NEIL2: variants seen among roughly 807,000 people sequenced by gnomAD.
NEIL2 encodes endonuclease 8-like 2.
A neutral mutation model predicts 22.2 loss-of-function variants in NEIL2; 23 were observed. That is an observed-to-expected ratio of 1.04 (90% confidence interval 0.75 to 1.47). The LOEUF (loss-of-function observed/expected upper bound fraction) is 1.47. Ranked by LOEUF, NEIL2 falls within the 40% of genes most tolerant of loss-of-function variation. NEIL2 has a pLI of 0.00. For missense variants in NEIL2, 583 were observed against 404.7 expected, an observed-to-expected ratio of 1.44 and a Z score of -3.78; for synonymous variants, 229 against 164.8, an observed-to-expected ratio of 1.39 and a Z score of -2.99.
In NEIL2 at chr8:11,786,064, G is replaced by T; in HGVS notation, c.790G>T (p.Val264Leu). The T allele has an allele frequency of 6.2e-7, 1 of 1,614,154 alleles. No homozygotes were observed. Among genetic ancestry groups the T allele is most frequent in the Non-Finnish European group, 8.5e-7 (1 of 1,180,010 alleles). The stretch of plus-strand genomic sequence containing the variant: ...GCGTCGGGAGGTCCTGGTGGATCAC[G>T]TGGTGGAGTTCAGTACAGCCTGGCT... The part of the protein sequence containing the change: ...ASRREVLVDH[V>L]VEFSTAWLQG... The change falls in exon 5 of 5, where the codon GTG becomes TTG. Residue 264 changes from valine (V) to leucine (L), a missense_variant. Physicochemically the swap from Val to Leu is conservative, Grantham distance 32. Transcript: ENST00000284503.
intron 4 of NEIL2, 112 bp downstream of exon 4, chr8:11,783,511 TGAGG>T (rs1259607079): frequency 1.2e-6 from 1 of 856,094 alleles, no homozygotes; most frequent in African/African-American, 1.7e-5. Context: ...CTGTTGGTTT[TGAGG>T]TGCCACTTGC....
At chr8:11,770,538 A>G (rs1321656049) in intron 1 of NEIL2, among the ~76,000 whole-genome samples, 12 of 152,364 alleles carry the variant, frequency 7.9e-5, no homozygotes, top group African/African-American at 2.9e-4. Flanking sequence ...AGATTTTAAA[A>G]GTATTCTAAA....
chr8:11,786,198 A>C lies in NEIL2; in HGVS notation c.924A>C (p.Leu308Phe), dbSNP rs1436029075. 3 of 1,613,532 alleles carry C rather than the reference A, an allele frequency of 1.9e-6. No individual in the cohort carries two copies. The highest frequency in any genetic ancestry group is 2.7e-5 in the African/African-American group (2 of 74,924). The change falls in exon 5 of 5, where the codon TTA (leucine) becomes TTC (phenylalanine). Residue 308 changes from leucine (L) to phenylalanine (F), a missense_variant. Coordinates refer to ENST00000284503, the MANE Select transcript of NEIL2 (RefSeq NM_145043.4). ...MKEAFGPEDG[L>F]QRLTWWCPQC... Reference sequence around the variant, plus strand: ...AGGCGTTTGGGCCCGAAGATGGGTTACAGAGGCTCACCTGGTGGTGCCCGC... The same window carrying C: ...AGGCGTTTGGGCCCGAAGATGGGTTCCAGAGGCTCACCTGGTGGTGCCCGC...
intron 2 of NEIL2, 30 bp from the exon 3 acceptor site, chr8:11,779,568 A>G (rs755002716): frequency 4.6e-6 from 7 of 1,532,390 alleles, no homozygotes; most frequent in South Asian, 4.5e-5. Context: ...CTGGGTCTGT[A>G]AGGCTTGGAT....
At chr8:11,774,439 C>T (rs1017274726) in intron 2 of NEIL2, among the ~76,000 whole-genome samples, 2 of 152,234 alleles carry the variant, frequency 1.3e-5, no homozygotes, top group East Asian at 1.9e-4. Context: ...AGAACAGCCC[C>T]CATGATTCAA....
intron 3 of NEIL2, 66 bp downstream of exon 3, chr8:11,780,016 G>A: frequency 7.0e-7 from 1 of 1,430,750 alleles, no homozygotes; most frequent in Non-Finnish European, 9.8e-7. Context: ...GGTGGGGTTT[G>A]GGACTTCAGC....
At chr8:11,771,838 TC>T (rs762830613) in intron 2 of NEIL2, among the ~76,000 whole-genome samples, 1 of 152,142 alleles carries the variant, frequency 6.6e-6, no homozygotes, top group Non-Finnish European at 1.5e-5. Context: ...TCCTATTCTC[TC>T]CGGCCGCAGC....
intron 2 of NEIL2, among the ~76,000 whole-genome samples, chr8:11,772,036 C>T (rs796159652): frequency 1.4e-4 from 22 of 152,210 alleles, no homozygotes; most frequent in African/African-American, 4.8e-4. Flanking sequence ...AACCCCGTCT[C>T]TACTAAAAAT....
At chr8:11,772,819 T>C (rs755130391) in intron 2 of NEIL2, among the ~76,000 whole-genome samples, 2 of 152,180 alleles carry the variant, frequency 1.3e-5, no homozygotes, top group African/African-American at 2.4e-5. Context: ...AGATAAGCCA[T>C]TGACCTCTTA....
rs762377143 is a variant in NEIL2, at chr8:11,772,663, A to C, written c.138+1078A>C. Among the ~76,000 whole-genome samples, 3 of 152,226 alleles carry C rather than the reference A, an allele frequency of 2.0e-5. No individual in the cohort carries two copies. The South Asian group carries it at 6.2e-4, about 31-fold the overall frequency. On this transcript the variant is annotated intron_variant, in intron 2 of 4. Transcript: ENST00000284503. ...CAGAGGGCAGGGGCTGCTCCTCGCCAGTATTGTGCCCCCAGCACTTAGCTG... is the reference window on the plus strand; with the variant it reads ...CAGAGGGCAGGGGCTGCTCCTCGCCCGTATTGTGCCCCCAGCACTTAGCTG...
chr8:11,777,468 A>G (rs1347809537), intron 2 of NEIL2, among the ~76,000 whole-genome samples: 1 of 152,068 alleles, frequency 6.6e-6, no homozygotes, highest in Non-Finnish European at 1.5e-5. Flanking sequence ...ACGTTGTCTA[A>G]CAGTTTCCCT....
chr8:11,772,551 T>C (rs8191544), intron 2 of NEIL2, among the ~76,000 whole-genome samples: 6,302 of 152,254 alleles, frequency 0.041, 321 homozygotes, highest in East Asian at 0.21. Context: ...GGAGACTCCA[T>C]CTCTGTGCTT....
At chr8:11,785,898 T>A in intron 4 of NEIL2, 65 bp from the exon 5 acceptor site, 1 of 1,458,204 alleles carries the variant, frequency 6.9e-7, no homozygotes, top group South Asian at 1.1e-5. Context: ...TTGTTAACTT[T>A]GTGGGTGGTT....
In NEIL2 at chr8:11,786,684, G is replaced by T; in HGVS notation, c.*411G>T. 7.9e-6 allele frequency: 2 copies of T among 251,624 alleles called. No homozygotes were observed. The highest frequency in any genetic ancestry group is 5.9e-5 in the Admixed American group (1 of 16,974). 15.6% of individuals were successfully genotyped at this position (251,624 alleles called of 1,614,324 possible). On this transcript the variant is annotated 3_prime_UTR_variant, in exon 5 of 5. Transcript: ENST00000284503. ...AGAGAGAGTCTTGCTCTGTCTCCCT[G>T]GCTAGGGTGTGGTGGTGTGATCTTG...
At chr8:11,785,859 C>T (rs1163911498) in intron 4 of NEIL2, 104 bp from the exon 5 acceptor site, 3 of 1,067,542 alleles carry the variant, frequency 2.8e-6, no homozygotes, top group East Asian at 2.4e-5. Flanking sequence ...TCTAGGGTCC[C>T]CCAGGACATG....
intron 2 of NEIL2, among the ~76,000 whole-genome samples, chr8:11,773,185 C>A (rs755296761): frequency 1.3e-5 from 2 of 152,166 alleles, no homozygotes; most frequent in African/African-American, 4.8e-5. Context: ...CCAGCACTTA[C>A]CAGGGTGTCT....
Position 11,779,679 on chromosome 8 carries a change from C to A in NEIL2, c.220C>A (p.Pro74Thr). The A allele has an allele frequency of 6.2e-7, 1 of 1,613,914 alleles. No individual in the cohort carries two copies. Among genetic ancestry groups the A allele is most frequent in the Non-Finnish European group, 8.5e-7 (1 of 1,179,960 alleles). The change falls in exon 3 of 5, where the codon CCA (proline) becomes ACA (threonine). Residue 74 changes from proline (P) to threonine (T), a missense_variant. Transcript: ENST00000284503. The stretch of plus-strand genomic sequence containing the variant: ...TGGCAGCAGCCCAACACCAGAGCCT[C>A]CACAAAAAGAAGTGCAGAAGGAAGG... ...PPGSSPTPEP[P>T]QKEVQKEGAA...
In NEIL2 at chr8:11,786,652, T is replaced by G; in HGVS notation, c.*379T>G. ...GGTTTTTTTTTTTTTTTTGGTTGTTTGTTTTGAGAGAGAGTCTTGCTCTGT... is the reference window on the plus strand; with the variant it reads ...GGTTTTTTTTTTTTTTTTGGTTGTTGGTTTTGAGAGAGAGTCTTGCTCTGT... On this transcript the variant is annotated 3_prime_UTR_variant, in exon 5 of 5. Coordinates refer to ENST00000284503, the MANE Select transcript of NEIL2 (RefSeq NM_145043.4). 3.4e-6 allele frequency: 1 copy of G among 296,276 alleles called. No individual in the cohort carries two copies. Among genetic ancestry groups the G allele is most frequent in the Non-Finnish European group, 6.5e-6 (1 of 154,622 alleles). The allele number at this position is 296,276 out of a possible 1,614,324, so 18.4% of individuals were successfully genotyped here. A position where few individuals can be genotyped will look rare whatever the true frequency, so the allele number is the denominator to read the frequency against.
intron 2 of NEIL2, among the ~76,000 whole-genome samples, chr8:11,774,819 A>T (rs537104141): frequency 1.3e-5 from 2 of 152,268 alleles, no homozygotes; most frequent in Non-Finnish European, 1.5e-5. Context: ...CCAGTGAGGC[A>T]GTCAAATCTT....
Sources: gnomAD v4.1 joint callset for allele counts (sites outside exome capture counted in the v4.1 genomes callset) on GRCh38, gnomAD v4.1.1 for gene constraint, MANE v1.5 for transcripts, NCBI Gene and HGNC (gene_info 2026-07-23, HGNC 2026-07-21) for gene names.